Variants in KANSL1 observed in about 807,000 individuals in gnomAD.
KANSL1 encodes the protein MLL1/MLL complex subunit KANSL1.
A neutral mutation model predicts 103.6 loss-of-function variants in KANSL1; 22 were observed. The ratio of observed to expected loss-of-function variants is 0.21; its 90% CI spans 0.15 to 0.30. The LOEUF (loss-of-function observed/expected upper bound fraction) is 0.30, where lower values mean the gene tolerates loss of function less well. Among genes scored for constraint, KANSL1 ranks in the 10% least tolerant of loss-of-function variants. The probability of loss-of-function intolerance (pLI) is 1.00; values close to 1 mark genes in which losing one functional copy is unlikely to be tolerated. For missense variants in KANSL1, 1,337 were observed against 1,399.8 expected (o/e 0.96, Z 0.72); for synonymous variants, 600 against 527.6 (o/e 1.14, Z -1.88).
intron 4 of KANSL1, among the ~76,000 whole-genome samples, chr17:46,070,147 C>T (rs2078523009): frequency 6.6e-6 from 1 of 152,026 alleles, no homozygotes; most frequent in Non-Finnish European, 1.5e-5. Context: ...CAAACACAGC[C>T]CCAAAAATCT....
chr17:46,207,094 C>G (rs1216989977), intron 1 of KANSL1, among the ~76,000 whole-genome samples: 1 of 151,848 alleles, frequency 6.6e-6, no homozygotes, highest in African/African-American at 2.4e-5. Flanking sequence ...CCTGTCTCTA[C>G]AAAATAAATT....
intron 2 of KANSL1, among the ~76,000 whole-genome samples, chr17:46,154,132 T>G (rs2045283827): frequency 1.3e-5 from 2 of 152,116 alleles, no homozygotes; most frequent in Admixed American, 6.5e-5. Context: ...AGTACAAAAG[T>G]AAGGGGAAAA....
chr17:46,209,149 A>G (rs889575148), intron 1 of KANSL1, among the ~76,000 whole-genome samples: 2 of 152,030 alleles, frequency 1.3e-5, no homozygotes, highest in African/African-American at 4.8e-5. Context: ...CGCCGATTGC[A>G]CTCCAGCCTG....
At chr17:46,103,340 ATC>A (rs1342117967) in intron 2 of KANSL1, among the ~76,000 whole-genome samples, 1 of 152,206 alleles carries the variant, frequency 6.6e-6, no homozygotes, top group Non-Finnish European at 1.5e-5. Context: ...CATCTATAAC[ATC>A]TATCTCCCAT....
intron 1 of KANSL1, among the ~76,000 whole-genome samples, chr17:46,202,957 C>T (rs1176398028): frequency 2.0e-5 from 3 of 152,230 alleles, no homozygotes; most frequent in Admixed American, 1.3e-4. Flanking sequence ...TCAGGCCAGA[C>T]GTGGTGGCTC....
At chr17:46,112,724 A>ATTTTTATTTATTTTTTT (rs751551949) in intron 2 of KANSL1, among the ~76,000 whole-genome samples, 4 of 145,812 alleles carry the variant, frequency 2.7e-5, no homozygotes, top group Non-Finnish European at 6.1e-5. Flanking sequence ...GGGCAGATAA[A>ATTTTTATTTATTTTTTT]TTTTTTTTTT....
rs541064574 is a variant in KANSL1 at position 46,064,155 on chromosome 17, C to T, written c.1848+2382G>A. On this transcript the variant is annotated intron_variant, in intron 6 of 14. Transcript: ENST00000432791. ...ATCTATTTCTGCTATTTTGATATTT[C>T]AGGTAGAGTCCGAGGAATAGACAGG... is the stretch of plus-strand genomic sequence containing the variant. 7.3e-5 allele frequency among the ~76,000 whole-genome samples: 11 copies of T among 150,860 alleles called. No homozygotes were observed. In the East Asian group the frequency reaches 2.2e-3, roughly 30 times the overall value.
intron 2 of KANSL1, among the ~76,000 whole-genome samples, chr17:46,129,075 T>C (rs2043716733): frequency 6.7e-6 from 1 of 150,222 alleles, no homozygotes; most frequent in African/African-American, 2.4e-5. Flanking sequence ...TGGAATAGAA[T>C]GTAGAGATGA....
At chr17:46,121,683 G>C (rs2043287507) in intron 2 of KANSL1, among the ~76,000 whole-genome samples, 1 of 150,534 alleles carries the variant, frequency 6.6e-6, no homozygotes, top group South Asian at 2.1e-4. Context: ...CACCCCACTA[G>C]AAAATAAATG....
chr17:46,117,192 C>T (rs2043081869), intron 2 of KANSL1, among the ~76,000 whole-genome samples: 1 of 152,224 alleles, frequency 6.6e-6, no homozygotes, highest in Admixed American at 6.5e-5. Context: ...GGGTATGCAG[C>T]TTCAACTGAG....
At chr17:46,199,430 T>G (rs1341638641) in intron 1 of KANSL1, among the ~76,000 whole-genome samples, 1 of 149,568 alleles carries the variant, frequency 6.7e-6, no homozygotes, top group Non-Finnish European at 1.5e-5. Flanking sequence ...AAATCAAGAT[T>G]TTTTTTCATT....
chr17:46,108,446 C>A (rs1374655581), intron 2 of KANSL1, among the ~76,000 whole-genome samples: 1 of 152,212 alleles, frequency 6.6e-6, no homozygotes, highest in African/African-American at 2.4e-5. Flanking sequence ...TCTCCAAATA[C>A]CCCCTACACA....
In KANSL1 at chr17:46,156,173, C is replaced by T. The variant is rs141972294; in HGVS notation, c.1289+14682G>A. ...GACCAGCCTGACCAACATGGTGAAACCCCATCTCTACTAGAAATACAAAAT... is the reference window on the plus strand; with the variant it reads ...GACCAGCCTGACCAACATGGTGAAATCCCATCTCTACTAGAAATACAAAAT... On this transcript the variant is annotated intron_variant, in intron 2 of 14. Transcript: ENST00000432791. 1.7e-3 allele frequency among the ~76,000 whole-genome samples: 264 copies of T among 152,262 alleles called. 1 individual carries two copies. Among genetic ancestry groups the T allele is most frequent in the African/African-American group, 6.1e-3 (253 of 41,534 alleles).
At position 46,193,363 on chromosome 17, in the gene KANSL1, G is replaced by A. The variant is rs1332811274; in HGVS notation, c.-630C>T. The A allele has an allele frequency of 2.5e-5, 4 of 158,144 alleles. No individual in the cohort carries two copies. Among genetic ancestry groups the A allele is most frequent in the African/African-American group, 7.3e-5 (3 of 41,342 alleles). The allele number at this position is 158,144 out of a possible 1,614,324, so 9.8% of individuals were successfully genotyped here. A position where few individuals can be genotyped will look rare whatever the true frequency, so the allele number is the denominator to read the frequency against. The stretch of plus-strand genomic sequence containing the variant: ...GGCGAGCGGTGGCGGCGGTGGCGGC[G>A]GCACTGGGAAAATGGCGGCCGAGCT... On this transcript the variant is annotated 5_prime_UTR_variant, in exon 1 of 15. Transcript: ENST00000432791.
chr17:46,130,628 G>C (rs2043820376), intron 2 of KANSL1, among the ~76,000 whole-genome samples: 1 of 152,130 alleles, frequency 6.6e-6, no homozygotes, highest in Admixed American at 6.5e-5. Flanking sequence ...TTTTTTAACC[G>C]AACACTACAA....
intron 2 of KANSL1, among the ~76,000 whole-genome samples, chr17:46,150,539 T>C (rs1007675774): frequency 6.6e-6 from 1 of 152,228 alleles, no homozygotes; most frequent in African/African-American, 2.4e-5. Flanking sequence ...AAAAAACAGG[T>C]ATTATTGTTT....
intron 3 of KANSL1, among the ~76,000 whole-genome samples, chr17:46,089,677 C>T (rs550161137): frequency 1.7e-4 from 26 of 152,032 alleles, no homozygotes; most frequent in African/African-American, 6.0e-4. Flanking sequence ...AAACTTTCTT[C>T]CATTTCAGTA....
intron 3 of KANSL1, among the ~76,000 whole-genome samples, chr17:46,090,449 TTGG>T (rs1261676457): frequency 1.3e-5 from 2 of 152,250 alleles, no homozygotes; most frequent in Non-Finnish European, 2.9e-5. Flanking sequence ...GCATTACTTA[TTGG>T]AACTATCAAC....
upstream of KANSL1, chr17:46,196,031 C>G (rs2047596074): frequency 4.2e-6 from 1 of 240,480 alleles, no homozygotes; most frequent in East Asian, 1.5e-4. Flanking sequence ...CACTTGAGCT[C>G]CGGAGTTAGA....
Sources: gnomAD v4.1 joint callset for allele counts (sites outside exome capture counted in the v4.1 genomes callset) on GRCh38, gnomAD v4.1.1 for gene constraint, MANE v1.5 for transcripts, NCBI Gene and HGNC (gene_info 2026-07-23, HGNC 2026-07-21) for gene names.